The following REEP3 variants were observed in gnomAD, a reference collection of about 807,000 sequenced individuals.
REEP3 encodes the protein receptor expression-enhancing protein 3.
Under a neutral mutation model 41.3 loss-of-function variants are expected in REEP3, and 20 were observed. The ratio of observed to expected loss-of-function variants is 0.48; its 90% confidence interval spans 0.34 to 0.70. REEP3 has a LOEUF of 0.70. Ranked by LOEUF, REEP3 falls within the 30% of genes least tolerant of loss-of-function variation. REEP3 has a pLI of 0.01. For missense variants in REEP3, 271 were observed against 308.8 expected (o/e 0.88, Z 0.92); for synonymous variants, 104 against 101.8 (o/e 1.02, Z -0.13).
At chr10:63,571,495 C>T (rs571792789) in intron 2 of REEP3, among the ~76,000 whole-genome samples, 2 of 152,292 alleles carry the variant, frequency 1.3e-5, no homozygotes, top group South Asian at 4.1e-4. Context: ...GAGACCTCTT[C>T]ATGCTGCCAT....
intron 1 of REEP3, among the ~76,000 whole-genome samples, chr10:63,553,793 C>G (rs746400088): frequency 6.6e-6 from 1 of 151,944 alleles, no homozygotes; most frequent in Non-Finnish European, 1.5e-5. Context: ...TTTTCTTCAC[C>G]AGAAGCTTTT....
intron 4 of REEP3, among the ~76,000 whole-genome samples, chr10:63,598,851 G>A (rs1956144662): frequency 6.6e-6 from 1 of 151,798 alleles, no homozygotes; most frequent in African/African-American, 2.4e-5. Flanking sequence ...CAACACTTTG[G>A]GAAGCCAAGG....
intron 3 of REEP3, 114 bp downstream of exon 3, chr10:63,594,968 C>A: frequency 1.4e-6 from 1 of 722,840 alleles, no homozygotes; most frequent in Non-Finnish European, 2.4e-6. Context: ...CCTAATTATC[C>A]ACCCATTTGT....
At chr10:63,558,999 T>G (rs1209126459) in intron 1 of REEP3, among the ~76,000 whole-genome samples, 1 of 151,714 alleles carries the variant, frequency 6.6e-6, no homozygotes, top group Non-Finnish European at 1.5e-5. Context: ...CTGTAATTAA[T>G]TTTTTTGTTG....
At chr10:63,537,498 A>G (rs1370633727) in intron 1 of REEP3, among the ~76,000 whole-genome samples, 2 of 152,192 alleles carry the variant, frequency 1.3e-5, no homozygotes, top group African/African-American at 2.4e-5. Flanking sequence ...CACTGGGCTC[A>G]TTTTACTGTG....
At chr10:63,580,156 G>C (rs904779206) in intron 2 of REEP3, among the ~76,000 whole-genome samples, 1 of 151,988 alleles carries the variant, frequency 6.6e-6, no homozygotes, top group Non-Finnish European at 1.5e-5. Flanking sequence ...TTTGAGGTGG[G>C]GGGGTGGTAT....
chr10:63,619,473 G>A (rs1358448704), intron 6 of REEP3, among the ~76,000 whole-genome samples, 182 bp from the exon 7 acceptor site: 1 of 152,188 alleles, frequency 6.6e-6, no homozygotes, highest in Non-Finnish European at 1.5e-5. Flanking sequence ...TGAGTTATGA[G>A]TTTCACCTGG....
At chr10:63,597,621 C>G (rs1256145254) in intron 3 of REEP3, among the ~76,000 whole-genome samples, 1 of 152,168 alleles carries the variant, frequency 6.6e-6, no homozygotes, top group Non-Finnish European at 1.5e-5. Flanking sequence ...CATTCAAAAA[C>G]TTAGCATAGG....
intron 6 of REEP3, among the ~76,000 whole-genome samples, chr10:63,616,574 T>C (rs1956313898): frequency 6.6e-6 from 1 of 152,200 alleles, no homozygotes; most frequent in Non-Finnish European, 1.5e-5. Context: ...AAGAAAAGAA[T>C]AAGATGTATA....
At chr10:63,601,408 G>A (rs190890014) in intron 5 of REEP3, among the ~76,000 whole-genome samples, 3 of 152,268 alleles carry the variant, frequency 2.0e-5, no homozygotes, top group Admixed American at 2.0e-4. Flanking sequence ...CCCAGAGCTA[G>A]GGAATGGTCC....
chr10:63,605,599 A>G (rs1188001819), intron 5 of REEP3, among the ~76,000 whole-genome samples: 3 of 152,246 alleles, frequency 2.0e-5, no homozygotes, highest in African/African-American at 7.2e-5. Flanking sequence ...GATAAACAAA[A>G]TAAGTTCTTA....
At chr10:63,544,012 A>G (rs1955554854) in intron 1 of REEP3, among the ~76,000 whole-genome samples, 1 of 152,270 alleles carries the variant, frequency 6.6e-6, no homozygotes, top group Admixed American at 6.5e-5. Flanking sequence ...TTATGAGAAC[A>G]TGGAGAAAGG....
chr10:63,535,952 A>G (rs573947424), intron 1 of REEP3, among the ~76,000 whole-genome samples: 1 of 152,284 alleles, frequency 6.6e-6, no homozygotes, highest in African/African-American at 2.4e-5. Flanking sequence ...CCTACAACAA[A>G]CCATAGAGGA....
chr10:63,534,064 A>G (rs1354253089), intron 1 of REEP3, among the ~76,000 whole-genome samples: 1 of 152,208 alleles, frequency 6.6e-6, no homozygotes, highest in Non-Finnish European at 1.5e-5. Flanking sequence ...ATAAAGTTAT[A>G]TGAGAAAAAT....
intron 2 of REEP3, among the ~76,000 whole-genome samples, chr10:63,575,241 GGT>G (rs1955888254): frequency 1.3e-5 from 2 of 152,094 alleles, no homozygotes; most frequent in Non-Finnish European, 2.9e-5. Flanking sequence ...TTTAACTTCT[GGT>G]GTTGCTGTTG....
Position 63,594,782 on chromosome 10 carries a change from G to C in REEP3, c.110G>C (p.Arg37Pro). ...GAGTATTTTTATTATTTCCAGGTTC[G>C]ATGGATGATGTACTGGATTGTTTTT... ...VKTKNVKEYV[R>P]WMMYWIVFAL... The change falls in exon 3 of 8, where the codon CGA becomes CCA. Residue 37 changes from arginine (R) to proline (P), a missense_variant. Arg to Pro is a moderately radical substitution (Grantham distance 103). Coordinates refer to ENST00000373758, the MANE Select transcript of REEP3 (RefSeq NM_001001330.3). The C allele has an allele frequency of 6.2e-7, 1 of 1,602,486 alleles. No individual in the cohort carries two copies. Among genetic ancestry groups the C allele is most frequent in the South Asian group, 1.1e-5 (1 of 90,756 alleles).
At chr10:63,585,781 T>A (rs2133393759) in intron 2 of REEP3, among the ~76,000 whole-genome samples, 1 of 152,306 alleles carries the variant, frequency 6.6e-6, no homozygotes, top group Non-Finnish European at 1.5e-5. Context: ...TTGAAGTTAA[T>A]ATGCCATTAC....
chr10:63,560,377 A>C (rs761706865), intron 1 of REEP3, among the ~76,000 whole-genome samples: 1 of 152,220 alleles, frequency 6.6e-6, no homozygotes, highest in Non-Finnish European at 1.5e-5. Context: ...TGAGAGATGT[A>C]TATCAGACTT....
intron 6 of REEP3, among the ~76,000 whole-genome samples, chr10:63,618,851 G>A (rs771479745): frequency 3.3e-5 from 5 of 152,198 alleles, no homozygotes; most frequent in African/African-American, 4.8e-5. Context: ...AAGAGTTTTC[G>A]TCCTTGAGGC....
Sources: gnomAD v4.1 joint callset for allele counts (sites outside exome capture counted in the v4.1 genomes callset) on GRCh38, gnomAD v4.1.1 for gene constraint, MANE v1.5 for transcripts, NCBI Gene and HGNC (gene_info 2026-07-23, HGNC 2026-07-21) for gene names.